GABRG1: variants seen among roughly 807,000 people sequenced by gnomAD.
The protein encoded by GABRG1 is gamma-aminobutyric acid type A receptor subunit gamma1.
In GABRG1, 49 loss-of-function variants were observed where a neutral mutation model predicts 49.8. The ratio of observed to expected loss-of-function variants is 0.98; its 90% CI spans 0.78 to 1.25. The LOEUF is 1.25. Ranked by LOEUF, GABRG1 falls within the 50% of genes most tolerant of loss-of-function variation. The probability of loss-of-function intolerance (pLI) is 0.00; values close to 1 mark genes in which losing one functional copy is unlikely to be tolerated. For synonymous variants in GABRG1, 232 were observed against 185.1 expected (o/e 1.25, Z -2.06); for missense variants, 552 against 552.3 (o/e 1.00, Z 0.01).
chr4:46,061,512 A>G (rs1389960672), intron 5 of GABRG1, among the ~76,000 whole-genome samples: 1 of 152,142 alleles, frequency 6.6e-6, no homozygotes, highest in Non-Finnish European at 1.5e-5. Flanking sequence ...AGGCAACCAC[A>G]TTTTTATAAG....
chr4:46,090,502 T>C (rs1056028271), intron 2 of GABRG1, among the ~76,000 whole-genome samples: 3 of 152,044 alleles, frequency 2.0e-5, no homozygotes, highest in African/African-American at 4.8e-5. Context: ...TAGTGATTTA[T>C]AGTTTTAGGG....
At chr4:46,089,164 T>A (rs1417572484) in intron 2 of GABRG1, among the ~76,000 whole-genome samples, 1 of 152,008 alleles carries the variant, frequency 6.6e-6, no homozygotes, top group Non-Finnish European at 1.5e-5. Context: ...ACTAGATTGC[T>A]GATGAAAGGA....
In GABRG1 at chr4:46,064,533, T is replaced by A; in HGVS notation, c.543-10A>T. ...TGCATTAATTGTCAATCTATTTAGA[T>A]GGAAAGAAAAGTATTAAATAAAGAT... is the stretch of plus-strand genomic sequence containing the variant. On this transcript the variant is annotated splice_polypyrimidine_tract_variant and intron_variant, in intron 4 of 8. Coordinates refer to ENST00000295452, the MANE Select transcript of GABRG1 (RefSeq NM_173536.4). The A allele has an allele frequency of 7.3e-7, 1 of 1,368,306 alleles. No individual in the cohort carries two copies. The highest frequency in any genetic ancestry group is 9.9e-7 in the Non-Finnish European group (1 of 1,006,628). The allele number at this position is 1,368,306 out of a possible 1,614,324, so 84.8% of individuals were successfully genotyped here.
intron 5 of GABRG1, among the ~76,000 whole-genome samples, chr4:46,062,174 A>G (rs1424194836): frequency 6.6e-6 from 1 of 151,292 alleles, no homozygotes; most frequent in Non-Finnish European, 1.5e-5. Context: ...ATGATTTCCA[A>G]TTTCATCCAT....
In GABRG1 at chr4:46,035,866, T is replaced by A. The variant is rs562424466; in HGVS notation, c.*5122A>T. On this transcript the variant is annotated 3_prime_UTR_variant, in exon 9 of 9. Transcript: ENST00000295452. ...AGAACACTGAAAAATTGAGACACCT[T>A]TGCCACAAAATTACAAATGTTCCTC... 1 of 151,966 alleles carries A rather than the reference T, an allele frequency of 6.6e-6. No individual in the cohort carries two copies. Among genetic ancestry groups the A allele is most frequent in the East Asian group, 1.9e-4 (1 of 5,180 alleles). The allele number at this position is 151,966 out of a possible 1,614,324, so 9.4% of individuals were successfully genotyped here.
At chr4:46,095,056 C>T (rs575885737) in intron 2 of GABRG1, among the ~76,000 whole-genome samples, 5 of 151,790 alleles carry the variant, frequency 3.3e-5, no homozygotes, top group African/African-American at 9.6e-5. Flanking sequence ...ACATTTCTCA[C>T]GCACACACAA....
In GABRG1 at chr4:46,051,600, T is replaced by C. The variant is rs534894661; in HGVS notation, c.955A>G (p.Ile319Val). 3 of 1,611,004 alleles carry C rather than the reference T, an allele frequency of 1.9e-6. No individual in the cohort carries two copies. The East Asian group carries it at 6.7e-5, about 36-fold the overall frequency. ...TVLTMTTLST[I>V]ARKSLPKVSY... ...ACCTTAGGTAAAGACTTCCTGGCAA[T>C]TGTACTCAGGGTTGTCATAGTCAGA... The change falls in exon 8 of 9, where the codon ATT (isoleucine) becomes GTT (valine). Residue 319 changes from isoleucine to valine, a missense_variant. Ile to Val is a conservative substitution (Grantham distance 29). Transcript: ENST00000295452.
chr4:46,049,402 G>T (rs1218006832), intron 8 of GABRG1, among the ~76,000 whole-genome samples: 3 of 151,756 alleles, frequency 2.0e-5, no homozygotes. Context: ...ATATCATTTA[G>T]GACTGAAAGA....
chr4:46,045,873 T>C (rs1717978325), intron 8 of GABRG1, among the ~76,000 whole-genome samples: 1 of 151,874 alleles, frequency 6.6e-6, no homozygotes, highest in Admixed American at 6.6e-5. Context: ...TCAATAACTA[T>C]TAATAGTAAG....
In GABRG1 at chr4:46,070,823, A is replaced by G. The variant is rs553496230; in HGVS notation, c.322-5239T>C. 1.1e-4 allele frequency among the ~76,000 whole-genome samples: 17 copies of G among 152,144 alleles called. No individual in the cohort carries two copies. In the South Asian group the frequency reaches 3.3e-3, roughly 30 times the overall value. ...CTTCTTCCTAGAGGAACCTCAGTCAATCTTTAAAGTGCTCATCTGACTGGT... is the reference window on the plus strand; with the variant it reads ...CTTCTTCCTAGAGGAACCTCAGTCAGTCTTTAAAGTGCTCATCTGACTGGT... On this transcript the variant is annotated intron_variant, in intron 3 of 8. Transcript: ENST00000295452.
At chr4:46,100,681 T>C (rs1720349246) in intron 1 of GABRG1, among the ~76,000 whole-genome samples, 1 of 141,870 alleles carries the variant, frequency 7.0e-6, no homozygotes, top group African/African-American at 2.6e-5. Flanking sequence ...CCTTGAATAA[T>C]GATTGCAATC....
Position 46,123,883 on chromosome 4 carries a change from G to A in GABRG1, c.31C>T (p.Pro11Ser), listed in dbSNP as rs1721172768. The part of the protein sequence containing the change: MGPLKAFLFS[P>S]FLLRSQSRGV... ...CTACTTTGACTCCGCAGAAGAAAAGGGGAGAAGAGAAAAGCTTTCAAAGGA... is the reference window on the plus strand; with the variant it reads ...CTACTTTGACTCCGCAGAAGAAAAGAGGAGAAGAGAAAAGCTTTCAAAGGA... Residue 11 changes from proline to serine, a missense_variant, in exon 1 of 9, where the codon CCT becomes TCT. Pro to Ser is a moderately conservative substitution (Grantham distance 74). Transcript: ENST00000295452. The A allele has an allele frequency of 1.2e-6, 2 of 1,613,534 alleles. No homozygotes were observed. Among genetic ancestry groups the A allele is most frequent in the Non-Finnish European group, 1.7e-6 (2 of 1,179,770 alleles).
Position 46,058,589 on chromosome 4 carries a change from C to A in GABRG1, c.659G>T (p.Trp220Leu). The A allele has an allele frequency of 6.2e-7, 1 of 1,612,480 alleles. No individual in the cohort carries two copies. Among genetic ancestry groups the A allele is most frequent in the Middle Eastern group, 1.7e-4 (1 of 6,048 alleles). ...AGCCACTTCTACGGAGGGCTTTTTC[C>A]ACTTATACTCAATTTCATTTTTAGG... ...GYPKNEIEYK[W>L]KKPSVEVADP... Residue 220 changes from tryptophan to leucine, a missense_variant, in exon 6 of 9, where the codon TGG becomes TTG. Transcript: ENST00000295452.
At chr4:46,118,150 C>CTATATATATATATA (rs1720987746) in intron 1 of GABRG1, among the ~76,000 whole-genome samples, 1 of 69,702 alleles carries the variant, frequency 1.4e-5, no homozygotes, top group African/African-American at 6.7e-5. Flanking sequence ...ATATATACAG[C>CTATATATATATATA]TACAGTATAA....
intron 8 of GABRG1, among the ~76,000 whole-genome samples, chr4:46,042,722 T>G (rs1037489656): frequency 6.6e-6 from 1 of 151,948 alleles, no homozygotes; most frequent in African/African-American, 2.4e-5. Flanking sequence ...TCACCAAATA[T>G]TAAAAATCCA....
intron 3 of GABRG1, among the ~76,000 whole-genome samples, chr4:46,077,366 A>G (rs1719390021): frequency 6.6e-6 from 1 of 152,036 alleles, no homozygotes; most frequent in African/African-American, 2.4e-5. Context: ...ACATAATACT[A>G]TAAAACAGTG....
chr4:46,115,780 T>C (rs1332021437), intron 1 of GABRG1, among the ~76,000 whole-genome samples: 1 of 150,848 alleles, frequency 6.6e-6, no homozygotes, highest in Non-Finnish European at 1.5e-5. Flanking sequence ...ATATCTCTGT[T>C]ACTTTCAAAA....
Position 46,041,181 on chromosome 4 carries a change from T to A in GABRG1, c.1205A>T (p.Tyr402Phe). Residue 402 changes from tyrosine (Y) to phenylalanine (F), a missense_variant, in exon 9 of 9, where the codon TAT (tyrosine) becomes TTT (phenylalanine). Physicochemically the swap from Tyr to Phe is conservative, Grantham distance 22 (BLOSUM62 3). Coordinates refer to ENST00000295452, the MANE Select transcript of GABRG1 (RefSeq NM_173536.4). ...TTTGCCCTCCAAACACTGATACCCA[T>A]AATCATCTTCTTGCGGCACAGAAAT... ...NNISVPQEDD[Y>F]GYQCLEGKDC... 5 of 1,612,972 alleles carry A rather than the reference T, an allele frequency of 3.1e-6. No individual in the cohort carries two copies. Among genetic ancestry groups the A allele is most frequent in the Non-Finnish European group, 4.2e-6 (5 of 1,179,296 alleles).
At chr4:46,059,908 T>A (rs1292896949) in intron 5 of GABRG1, among the ~76,000 whole-genome samples, 2 of 152,218 alleles carry the variant, frequency 1.3e-5, no homozygotes, top group African/African-American at 4.8e-5. Flanking sequence ...TTTGAGGAAC[T>A]GCTTGTTCAA....
Sources: allele counts gnomAD v4.1 joint callset (sites outside exome capture counted in the v4.1 genomes callset), GRCh38; gene constraint gnomAD v4.1.1; transcripts MANE v1.5; gene names NCBI Gene and HGNC (gene_info 2026-07-23, HGNC 2026-07-21).